KLC1: variants seen among roughly 807,000 people sequenced by gnomAD.
KLC1 encodes kinesin 2 60/70kDa.
A neutral mutation model predicts 84.2 loss-of-function variants in KLC1; 30 were observed. The observed-to-expected ratio is 0.36, with a 90% CI of 0.27 to 0.48. KLC1 has a LOEUF of 0.48. KLC1 is among the 20% of genes least tolerant of loss of function. The pLI, the probability that KLC1 is intolerant of heterozygous loss-of-function variation, is 0.99. For missense variants in KLC1, 499 were observed against 805.4 expected (o/e 0.62, Z 4.60); for synonymous variants, 289 against 293.3 (o/e 0.99, Z 0.15).
intron 1 of KLC1, among the ~76,000 whole-genome samples, chr14:103,647,320 T>G (rs1041953797): frequency 2.0e-5 from 3 of 151,822 alleles, no homozygotes; most frequent in Non-Finnish European, 2.9e-5. Context: ...ACTTTCCAGG[T>G]TCAAGCGATT....
chr14:103,690,655 C>G (rs2082054095), intron 14 of KLC1, among the ~76,000 whole-genome samples: 1 of 152,178 alleles, frequency 6.6e-6, no homozygotes, highest in South Asian at 2.1e-4. Context: ...GCATGCAGTT[C>G]ACGTTCAGAA....
At chr14:103,687,395 T>G (rs946233273) in intron 14 of KLC1, among the ~76,000 whole-genome samples, 184 bp downstream of exon 14, 6 of 152,196 alleles carry the variant, frequency 3.9e-5, no homozygotes, top group Non-Finnish European at 8.8e-5. Context: ...TGAGAAGTAA[T>G]TGGGTAACTT....
At chr14:103,667,654 A>G (rs1290695204) in intron 5 of KLC1, among the ~76,000 whole-genome samples, 2 of 152,310 alleles carry the variant, frequency 1.3e-5, no homozygotes, top group African/African-American at 2.4e-5. Context: ...TTGGAACTCT[A>G]TTTTGTACTT....
chr14:103,656,581 C>T (rs2078857844), intron 2 of KLC1, among the ~76,000 whole-genome samples: 1 of 152,140 alleles, frequency 6.6e-6, no homozygotes, highest in Non-Finnish European at 1.5e-5. Flanking sequence ...AAGTGACTGC[C>T]CACACCCTGA....
At chr14:103,695,812 G>A in intron 15 of KLC1, 2 of 985,386 alleles carry the variant, frequency 2.0e-6, no homozygotes, top group Non-Finnish European at 2.4e-6. Flanking sequence ...GAGAAGCCAG[G>A]GGGCCTCCCT....
At chr14:103,680,209 A>G (rs1323056167) in intron 13 of KLC1, among the ~76,000 whole-genome samples, 1 of 151,506 alleles carries the variant, frequency 6.6e-6, no homozygotes, top group East Asian at 1.9e-4. Context: ...CTGTTTATCC[A>G]GTGGTTGCCA....
chr14:103,689,418 C>A (rs1049712461), intron 14 of KLC1, among the ~76,000 whole-genome samples: 2 of 152,238 alleles, frequency 1.3e-5, no homozygotes, highest in Admixed American at 1.3e-4. Context: ...AACCATGTGA[C>A]ATAGATGCAC....
chr14:103,660,375 G>T (rs1268940730), intron 3 of KLC1, among the ~76,000 whole-genome samples: 1 of 151,952 alleles, frequency 6.6e-6, no homozygotes, highest in Non-Finnish European at 1.5e-5. Context: ...CAGCTACTCA[G>T]GAGGCTGAGG....
At position 103,694,636 on chromosome 14, in the gene KLC1, C is replaced by T. The variant is rs2082317064; in HGVS notation, c.1848+2211C>T. ...TCCAAAGGCTGACGCTCAGCAGCGC[C>T]ACCTCCATGCCAGCCAACTAGGCTA... On this transcript the variant is annotated intron_variant, in intron 15 of 16. Transcript: ENST00000334553. This position sits in a 1 kb window ranked among gnomAD's most constrained non-coding sequence, Gnocchi z 4.5. 2.0e-6 allele frequency: 2 copies of T among 985,460 alleles called. No individual in the cohort carries two copies. The highest frequency in any genetic ancestry group is 2.4e-6 in the Non-Finnish European group (2 of 829,940). 61.0% of individuals were successfully genotyped at this position (985,460 alleles called of 1,614,324 possible). A position where few individuals can be genotyped will look rare whatever the true frequency, so the allele number is the denominator to read the frequency against.
chr14:103,695,270 G>C lies in KLC1; in HGVS notation c.1848+2845G>C, dbSNP rs1209285331. 1.1e-5 allele frequency: 7 copies of C among 651,432 alleles called. No homozygotes were observed. In the South Asian group the frequency reaches 3.4e-4, roughly 32 times the overall value. The allele number at this position is 651,432 out of a possible 1,614,324, so 40.4% of individuals were successfully genotyped here. On this transcript the variant is annotated intron_variant, in intron 15 of 16. Coordinates refer to ENST00000334553, the MANE Select transcript of KLC1 (RefSeq NM_001394837.1). The stretch of plus-strand genomic sequence containing the variant: ...CTTGAGCCCAGTTCAAGAACAGCTT[G>C]GGCAACACAGCGAGTCCCTGTGTCT...
At chr14:103,675,650 A>G in intron 10 of KLC1, 39 bp from the exon 11 acceptor site, 1 of 1,603,356 alleles carries the variant, frequency 6.2e-7, no homozygotes, top group Non-Finnish European at 8.5e-7. Flanking sequence ...TACTGCATTC[A>G]AGATAATTAT....
At chr14:103,689,787 G>A (rs2081983663) in intron 14 of KLC1, among the ~76,000 whole-genome samples, 1 of 152,228 alleles carries the variant, frequency 6.6e-6, no homozygotes, top group South Asian at 2.1e-4. Flanking sequence ...GTTCAAACAA[G>A]GCAGTTCGCA....
chr14:103,699,477 A>G, intron 15 of KLC1: 1 of 1,612,468 alleles, frequency 6.2e-7, no homozygotes, highest in Non-Finnish European at 8.5e-7. Flanking sequence ...TCAAATTCAC[A>G]GCGGAATGGG....
chr14:103,673,720 G>A (rs1412011638), intron 9 of KLC1, among the ~76,000 whole-genome samples: 3 of 151,998 alleles, frequency 2.0e-5, no homozygotes, highest in Admixed American at 1.3e-4. Flanking sequence ...TCAGGCGATC[G>A]AGACCATCCT....
chr14:103,681,496 C>T (rs1303824095), intron 13 of KLC1, among the ~76,000 whole-genome samples: 1 of 152,052 alleles, frequency 6.6e-6, no homozygotes, highest in Non-Finnish European at 1.5e-5. Context: ...ATCTTGCTCT[C>T]TCGCCCAGGC....
intron 1 of KLC1, among the ~76,000 whole-genome samples, chr14:103,638,815 G>T (rs1473730851): frequency 1.3e-5 from 2 of 151,854 alleles, no homozygotes; most frequent in Non-Finnish European, 2.9e-5. Flanking sequence ...TGAGCACAGT[G>T]GTGTGTGTAT....
In KLC1 at chr14:103,678,873, A is replaced by G. The variant is rs573709407; in HGVS notation, c.1489-511A>G. Among the ~76,000 whole-genome samples, 492 of 152,340 alleles carry G rather than the reference A, an allele frequency of 3.2e-3. 3 individuals are homozygous for G. Among genetic ancestry groups the G allele is most frequent in the African/African-American group, 0.01 (426 of 41,568 alleles). On this transcript the variant is annotated intron_variant, in intron 12 of 16. Transcript: ENST00000334553. Reference sequence around the variant, plus strand: ...TATACAGATAGCCAACAATCACATGAAAAGATACTCAACATCTTTAGTCAT... The same window carrying G: ...TATACAGATAGCCAACAATCACATGGAAAGATACTCAACATCTTTAGTCAT...
chr14:103,638,480 C>CT (rs2077217543), intron 1 of KLC1, among the ~76,000 whole-genome samples: 1 of 150,338 alleles, frequency 6.7e-6, no homozygotes, highest in South Asian at 2.1e-4. Context: ...TACCATCTAT[C>CT]TAATTCCACA....
chr14:103,679,292 T>TG, intron 12 of KLC1, 92 bp from the exon 13 acceptor site: 3 of 1,447,302 alleles, frequency 2.1e-6, no homozygotes, highest in African/African-American at 1.4e-5. Flanking sequence ...AGAACTGTTT[T>TG]TTTTTTTTTT....
Sources: allele counts gnomAD v4.1 joint callset (sites outside exome capture counted in the v4.1 genomes callset), GRCh38; gene constraint gnomAD v4.1.1; non-coding constraint Gnocchi (gnomAD v3.1); transcripts MANE v1.5; gene names NCBI Gene and HGNC (gene_info 2026-07-23, HGNC 2026-07-21).